The following KIAA2012 variants were observed in gnomAD, a reference collection of about 807,000 sequenced individuals.
The protein encoded by KIAA2012 is KIAA2012.
In KIAA2012, 125 loss-of-function variants were observed where a neutral mutation model predicts 150.6. The observed-to-expected ratio is 0.83, with a 90% CI of 0.72 to 0.96. KIAA2012 has a LOEUF of 0.96. KIAA2012 is among the 40% of genes least tolerant of loss of function. The pLI, the probability that KIAA2012 is intolerant of heterozygous loss-of-function variation, is 0.00. For synonymous variants in KIAA2012, 462 were observed against 504.7 expected (o/e 0.92, Z 1.13); for missense variants, 1,219 against 1,354.9 (o/e 0.90, Z 1.57).
At chr2:202,152,774 G>T (rs924812076) in intron 13 of KIAA2012, among the ~76,000 whole-genome samples, 7 of 152,178 alleles carry the variant, frequency 4.6e-5, no homozygotes, top group Non-Finnish European at 1.5e-5. Flanking sequence ...AAAGAAAAGG[G>T]TGTGGGTGTT....
chr2:202,184,908 GT>G lies in KIAA2012; in HGVS notation c.2210+68del, dbSNP rs1692197640. The G allele has an allele frequency of 4.4e-6, 6 of 1,367,082 alleles. No individual in the cohort carries two copies. In the African/African-American group the frequency reaches 5.9e-5, roughly 14 times the overall value. 84.7% of individuals were successfully genotyped at this position (1,367,082 alleles called of 1,614,324 possible). A position where few individuals can be genotyped will look rare whatever the true frequency, so the allele number is the denominator to read the frequency against. On this transcript the variant is annotated intron_variant, in intron 16 of 23. Coordinates refer to ENST00000498697, the MANE Select transcript of KIAA2012 (RefSeq NM_001277372.4). ...TTTATTTTGTTTGTATTTTTAATTG[GT>G]TTAGTTTGGTTTTTTTTCAGACAGG... is the stretch of plus-strand genomic sequence containing the variant.
At chr2:202,199,125 C>T (rs13001933) in intron 22 of KIAA2012, among the ~76,000 whole-genome samples, 16,091 of 152,142 alleles carry the variant, frequency 0.11, 1,027 homozygotes, top group Admixed American at 0.13. Context: ...TCCAAGTAGC[C>T]GAAAGCAGAA....
At chr2:202,110,712 T>A (rs1690324584) in intron 10 of KIAA2012, among the ~76,000 whole-genome samples, 1 of 152,176 alleles carries the variant, frequency 6.6e-6, no homozygotes, top group South Asian at 2.1e-4. Context: ...AGATTTCACA[T>A]CTTTCATTTC....
chr2:202,162,178 G>A (rs568642408), intron 14 of KIAA2012, among the ~76,000 whole-genome samples: 1 of 151,910 alleles, frequency 6.6e-6, no homozygotes, highest in South Asian at 2.1e-4. Flanking sequence ...AATGTATAAT[G>A]CATATATATA....
At position 202,075,085 on chromosome 2, in the gene KIAA2012, C is replaced by T; in HGVS notation, c.279C>T (p.Tyr93=). The change falls in exon 2 of 24, where the codon TAC becomes TAT. Residue 93 remains tyrosine (Y), a synonymous_variant. Coordinates refer to ENST00000498697, the MANE Select transcript of KIAA2012 (RefSeq NM_001277372.4). ...CCAAAGAGAGGAGAAAAGGCCCCTACTGCCCCAGAGGTCCCTGGAGGAAGC... is the reference window on the plus strand; with the variant it reads ...CCAAAGAGAGGAGAAAAGGCCCCTATTGCCCCAGAGGTCCCTGGAGGAAGC... ...WTPKERRKGP[Y]CPRGPWRKLD... 2 of 1,550,578 alleles carry T rather than the reference C, an allele frequency of 1.3e-6. No homozygotes were observed. The highest frequency in any genetic ancestry group is 8.7e-7 in the Non-Finnish European group (1 of 1,147,004).
intron 15 of KIAA2012, among the ~76,000 whole-genome samples, chr2:202,171,757 C>G (rs1691897613): frequency 6.6e-6 from 1 of 151,816 alleles, no homozygotes; most frequent in Non-Finnish European, 1.5e-5. Flanking sequence ...GAGTGCCACC[C>G]AAACAATTGG....
At position 202,187,062 on chromosome 2, in the gene KIAA2012, A is replaced by T; in HGVS notation, c.2340A>T (p.Arg780Ser). The T allele has an allele frequency of 2.6e-6, 4 of 1,550,576 alleles. No individual in the cohort carries two copies. Among genetic ancestry groups the T allele is most frequent in the Non-Finnish European group, 3.5e-6 (4 of 1,146,998 alleles). The change falls in exon 17 of 24, where the codon AGA (arginine) becomes AGT (serine). Residue 780 changes from arginine to serine, a missense_variant. Transcript: ENST00000498697. Reference protein sequence around the residue: ...PREREGKAEPRLFSQETSANI... With the variant: ...PREREGKAEPSLFSQETSANI... ...AAAGAGAAGGGAAGGCTGAACCAAG[A>T]CTGTTTAGCCAGGAGACATCAGCCA...
At position 202,075,247 on chromosome 2, in the gene KIAA2012, G is replaced by C. The variant is rs1689301727; in HGVS notation, c.369+72G>C. 2.6e-5 allele frequency: 38 copies of C among 1,452,792 alleles called. 1 individual carries two copies. In the South Asian group the frequency reaches 4.7e-4, roughly 18 times the overall value. 90.0% of individuals were successfully genotyped at this position (1,452,792 alleles called of 1,614,324 possible). On this transcript the variant is annotated intron_variant, in intron 2 of 23. Transcript: ENST00000498697. ...TCTAGAAACCCAGTTGCAGCTTTGG[G>C]AATAATTTCTTGGACCCGGGGAAGG...
In KIAA2012 at chr2:202,074,968, C is replaced by T; in HGVS notation, c.162C>T (p.His54=). 6.4e-7 allele frequency: 1 copy of T among 1,550,900 alleles called. No individual in the cohort carries two copies. The highest frequency in any genetic ancestry group is 8.7e-7 in the Non-Finnish European group (1 of 1,147,060). Residue 54 remains histidine, a synonymous_variant, in exon 2 of 24, where the codon CAC becomes CAT. Coordinates refer to ENST00000498697, the MANE Select transcript of KIAA2012 (RefSeq NM_001277372.4). ...AAGATAAGAACAATGCCAGTCAGCA[C>T]TCCTGGAGCCTCTTTCTCCCTAAAA... ...KPQDKNNASQ[H]SWSLFLPKTF... is the part of the protein sequence containing the mutation.
At chr2:202,183,557 G>A (rs535200098) in intron 15 of KIAA2012, among the ~76,000 whole-genome samples, 3 of 145,766 alleles carry the variant, frequency 2.1e-5, no homozygotes, top group Admixed American at 1.4e-4. Flanking sequence ...TCATTGGAGT[G>A]CAGTGGTGCT....
intron 2 of KIAA2012, among the ~76,000 whole-genome samples, chr2:202,086,922 G>A (rs1236137920): frequency 6.6e-6 from 1 of 152,102 alleles, no homozygotes; most frequent in Non-Finnish European, 1.5e-5. Flanking sequence ...CCAATCCGTA[G>A]CAGCTTTAAA....
chr2:202,110,005 C>G (rs1176175049), intron 10 of KIAA2012, among the ~76,000 whole-genome samples: 1 of 152,240 alleles, frequency 6.6e-6, no homozygotes, highest in African/African-American at 2.4e-5. Context: ...GCAACATGCA[C>G]TGCTACGCTG....
chr2:202,075,863 CTT>C (rs1365574464), intron 2 of KIAA2012, among the ~76,000 whole-genome samples: 1 of 152,236 alleles, frequency 6.6e-6, no homozygotes, highest in Admixed American at 6.5e-5. Flanking sequence ...TGTTTACTGA[CTT>C]TTCATTCCCC....
chr2:202,168,223 G>A (rs765051009), intron 15 of KIAA2012, among the ~76,000 whole-genome samples: 12 of 151,802 alleles, frequency 7.9e-5, no homozygotes, highest in Non-Finnish European at 1.5e-4. Context: ...GATCGAGACC[G>A]TCCTGGCCAT....
chr2:202,143,170 C>T (rs1383949404), intron 13 of KIAA2012, among the ~76,000 whole-genome samples: 5 of 151,258 alleles, frequency 3.3e-5, no homozygotes, highest in Non-Finnish European at 7.4e-5. Context: ...CTGCAACCTC[C>T]GCCTCCAGGG....
intron 2 of KIAA2012, among the ~76,000 whole-genome samples, chr2:202,089,684 T>C (rs911641330): frequency 4.6e-5 from 7 of 152,226 alleles, no homozygotes; most frequent in African/African-American, 1.4e-4. Flanking sequence ...ATATATGCTG[T>C]ATGTTTCCAT....
At chr2:202,122,254 C>T (rs2105934917) in intron 11 of KIAA2012, among the ~76,000 whole-genome samples, 1 of 152,326 alleles carries the variant, frequency 6.6e-6, no homozygotes, top group Non-Finnish European at 1.5e-5. Flanking sequence ...CATGAAGGAA[C>T]AGACAAGAGA....
chr2:202,100,331 A>C lies in KIAA2012; in HGVS notation c.1037A>C (p.His346Pro). Residue 346 changes from histidine to proline, a missense_variant, in exon 7 of 24, where the codon CAC (histidine) becomes CCC (proline). By Grantham distance (77) the His-to-Pro change is moderately conservative. Transcript: ENST00000498697. The stretch of plus-strand genomic sequence containing the variant: ...GATAAACAAAGGAACGTGAAACTCC[A>C]CAAGGCCAGAAGCAGCCACTTGTTA... ...LSDKQRNVKL[H>P]KARSSHLLQV... 6.4e-7 allele frequency: 1 copy of C among 1,550,548 alleles called. No homozygotes were observed. Among genetic ancestry groups the C allele is most frequent in the Non-Finnish European group, 8.7e-7 (1 of 1,146,944 alleles).
chr2:202,164,547 G>C (rs769169111), intron 14 of KIAA2012, among the ~76,000 whole-genome samples: 6 of 152,160 alleles, frequency 3.9e-5, no homozygotes, highest in Non-Finnish European at 8.8e-5. Flanking sequence ...CCAAATCCGT[G>C]GTAATCCTGA....
Sources: allele counts gnomAD v4.1 joint callset (sites outside exome capture counted in the v4.1 genomes callset), GRCh38; gene constraint gnomAD v4.1.1; transcripts MANE v1.5; gene names NCBI Gene and HGNC (gene_info 2026-07-23, HGNC 2026-07-21).